NRXN3: variants seen among roughly 807,000 people sequenced by gnomAD.
The protein encoded by NRXN3 is neurexin 3, also known as neurexin III.
A neutral mutation model predicts 137.6 loss-of-function variants in NRXN3; 32 were observed. That is an observed-to-expected ratio of 0.23 (90% CI 0.18 to 0.31). The LOEUF (loss-of-function observed/expected upper bound fraction) is 0.31, where lower values mean the gene tolerates loss of function less well. Ranked by LOEUF, NRXN3 falls within the 10% of genes least tolerant of loss-of-function variation. The pLI, the probability that NRXN3 is intolerant of heterozygous loss-of-function variation, is 1.00. For synonymous variants in NRXN3, 798 were observed against 784.5 expected, an observed-to-expected ratio of 1.02 and a Z score of -0.29; for missense variants, 1,574 against 2,062.5, an observed-to-expected ratio of 0.76 and a Z score of 4.59.
rs1003314085 is a variant in NRXN3, at chr14:79,864,087, C to T, written c.*2123C>T. 1 of 152,528 alleles carries T rather than the reference C, an allele frequency of 6.6e-6. No individual in the cohort carries two copies. Among genetic ancestry groups the T allele is most frequent in the Non-Finnish European group, 1.5e-5 (1 of 68,014 alleles). 9.4% of individuals were successfully genotyped at this position (152,528 alleles called of 1,614,324 possible). ...GATAACCTAAACGGCCCAGCCTATA[C>T]GAAGTTGATTATATCTCGATGTCTG... On this transcript the variant is annotated 3_prime_UTR_variant, in exon 21 of 21. Transcript: ENST00000335750.
intron 19 of NRXN3, among the ~76,000 whole-genome samples, chr14:79,740,715 TATATATATATA>T: frequency 1.3e-4 from 1 of 7,538 alleles, no homozygotes; most frequent in Non-Finnish European, 2.6e-4. Flanking sequence ...TAGTTTTTTA[TATATATATATA>T]TATATATATA....
intron 1 of NRXN3, among the ~76,000 whole-genome samples, chr14:78,241,013 C>T (rs189849438): frequency 4.2e-4 from 64 of 152,286 alleles, no homozygotes; most frequent in East Asian, 1.7e-3. Context: ...AGAACTCAGG[C>T]GGGCCAGAGT....
At chr14:79,796,528 G>A (rs2099161429) in intron 19 of NRXN3, among the ~76,000 whole-genome samples, 1 of 150,500 alleles carries the variant, frequency 6.6e-6, no homozygotes, top group East Asian at 1.9e-4. Flanking sequence ...AAAGTGGGGG[G>A]AAAAAAAAAT....
intron 10 of NRXN3, among the ~76,000 whole-genome samples, chr14:78,894,686 G>C (rs983425587): frequency 6.6e-6 from 1 of 151,792 alleles, no homozygotes; most frequent in African/African-American, 2.4e-5. Flanking sequence ...ATATCTATCA[G>C]AGGAATCACC....
In NRXN3 at chr14:79,211,719, C is replaced by T. The variant is rs576483028; in HGVS notation, c.3262+223578C>T. ...TTAATGTTCTTTGATTACTAACATC[C>T]AGTGGCTATTCCAAGGGAATTCAAA... On this transcript the variant is annotated intron_variant, in intron 15 of 20. Coordinates refer to ENST00000335750, the MANE Select transcript of NRXN3 (RefSeq NM_001330195.2). 2.0e-5 allele frequency among the ~76,000 whole-genome samples: 3 copies of T among 152,260 alleles called. No individual in the cohort carries two copies. The South Asian group carries it at 6.2e-4, about 32-fold the overall frequency.
intron 15 of NRXN3, among the ~76,000 whole-genome samples, chr14:79,393,969 A>C (rs557779399): frequency 1.9e-3 from 289 of 152,336 alleles, no homozygotes; most frequent in Non-Finnish European, 3.4e-3. Context: ...CACTAGGTCC[A>C]GTAGGGTGGA....
chr14:79,754,322 C>G (rs908328459), intron 19 of NRXN3, among the ~76,000 whole-genome samples: 2 of 151,368 alleles, frequency 1.3e-5, no homozygotes, highest in Non-Finnish European at 2.9e-5. Context: ...CTGGCCTGGA[C>G]GACAGAGCGA....
chr14:78,869,298 G>A (rs551066316), intron 10 of NRXN3, among the ~76,000 whole-genome samples: 10 of 152,118 alleles, frequency 6.6e-5, no homozygotes, highest in South Asian at 2.1e-4. Context: ...GATCTAGGGT[G>A]AGCTCTTACT....
At chr14:78,700,818 C>T (rs2098270879) in intron 6 of NRXN3, among the ~76,000 whole-genome samples, 3 of 151,948 alleles carry the variant, frequency 2.0e-5, no homozygotes, top group Admixed American at 1.3e-4. Flanking sequence ...GATGGAGTCT[C>T]ACTCTGTCAC....
In NRXN3 at chr14:79,648,288, CTG is replaced by C. The variant is rs1182654375; in HGVS notation, c.3445-15487_3445-15486del. On this transcript the variant is annotated intron_variant, in intron 16 of 20. Transcript: ENST00000335750. ...GATGAGCAACAGAAATTAGCGGGGACTGTGGTGAATTGGAAAACCTGTGCCTT... is the reference window on the plus strand; with the variant it reads ...GATGAGCAACAGAAATTAGCGGGGACTGGTGAATTGGAAAACCTGTGCCTT... 1.8e-4 allele frequency among the ~76,000 whole-genome samples: 25 copies of C among 135,612 alleles called. 1 individual carries two copies. Among genetic ancestry groups the C allele is most frequent in the African/African-American group, 5.6e-4 (23 of 40,866 alleles). 89.0% of individuals were successfully genotyped at this position (135,612 alleles called of 152,430 possible). A position where few individuals can be genotyped will look rare whatever the true frequency, so the allele number is the denominator to read the frequency against.
At chr14:78,604,213 C>T (rs1056987205) in intron 4 of NRXN3, among the ~76,000 whole-genome samples, 1 of 152,020 alleles carries the variant, frequency 6.6e-6, no homozygotes, top group African/African-American at 2.4e-5. Flanking sequence ...GGGTTTCTCT[C>T]ACAACACTTG....
intron 19 of NRXN3, among the ~76,000 whole-genome samples, chr14:79,730,035 A>G (rs2098916014): frequency 6.6e-6 from 1 of 152,168 alleles, no homozygotes; most frequent in Non-Finnish European, 1.5e-5. Context: ...TCAGAAAGAA[A>G]GGGGGCTGCT....
chr14:78,692,668 AG>A (rs1296332805), intron 6 of NRXN3, among the ~76,000 whole-genome samples: 1 of 152,216 alleles, frequency 6.6e-6, no homozygotes, highest in African/African-American at 2.4e-5. Flanking sequence ...GCCACATAAA[AG>A]CTTTGTGAGC....
chr14:79,352,575 T>C (rs1166728058), intron 15 of NRXN3, among the ~76,000 whole-genome samples: 2 of 152,130 alleles, frequency 1.3e-5, no homozygotes, highest in Non-Finnish European at 2.9e-5. Context: ...TCCCTTTACT[T>C]GGTTATACAA....
Position 79,464,395 on chromosome 14 carries a change from TGAA to T in NRXN3, c.3263-2824_3263-2822del, listed in dbSNP as rs1237205976. Among the ~76,000 whole-genome samples, 3 of 152,094 alleles carry T rather than the reference TGAA, an allele frequency of 2.0e-5. No homozygotes were observed. The East Asian group carries it at 5.8e-4, about 29-fold the overall frequency. The stretch of plus-strand genomic sequence containing the variant: ...TCTATCCTATCAAATATTGTCATAG[TGAA>T]GTTTTGTTTTTTGTTTATTTAAAGA... On this transcript the variant is annotated intron_variant, in intron 15 of 20. Transcript: ENST00000335750.
chr14:79,691,002 TC>T (rs1477942581), intron 17 of NRXN3, among the ~76,000 whole-genome samples: 1 of 152,096 alleles, frequency 6.6e-6, no homozygotes, highest in East Asian at 1.9e-4. Flanking sequence ...GGCCTATGAA[TC>T]AAAAGTAATG....
Position 79,434,340 on chromosome 14 carries a change from T to TA in NRXN3, c.3263-32871dup, listed in dbSNP as rs200221338. 4.6e-3 allele frequency among the ~76,000 whole-genome samples: 691 copies of TA among 149,654 alleles called. 2 individuals are homozygous for TA. Among genetic ancestry groups the TA allele is most frequent in the Middle Eastern group, 0.017 (5 of 288 alleles). On this transcript the variant is annotated intron_variant, in intron 15 of 20. Coordinates refer to ENST00000335750, the MANE Select transcript of NRXN3 (RefSeq NM_001330195.2). ...ATTTGGAAAAAATGAGACCAATTCTTAAAAAAAAAATCAAGCTGAAGTCAA... is the reference window on the plus strand; with the variant it reads ...ATTTGGAAAAAATGAGACCAATTCTTAAAAAAAAAAATCAAGCTGAAGTCAA...
chr14:79,574,388 C>A (rs532861280), intron 16 of NRXN3, among the ~76,000 whole-genome samples: 12 of 152,162 alleles, frequency 7.9e-5, no homozygotes, highest in African/African-American at 2.2e-4. Flanking sequence ...TCCTGAGCTG[C>A]AGTTTTCTCA....
rs140648323 is a variant in NRXN3, at chr14:78,594,754, A to C, written c.758-50366A>C. Among the ~76,000 whole-genome samples the C allele has an allele frequency of 3.6e-4, 55 of 152,282 alleles. 1 individual carries two copies. The highest frequency in any genetic ancestry group is 1.3e-3 in the African/African-American group (54 of 41,552). On this transcript the variant is annotated intron_variant, in intron 4 of 20. Transcript: ENST00000335750. The stretch of plus-strand genomic sequence containing the variant: ...GGGCTATGCTTTCTTCTCTTTAATA[A>C]GACTCCTGTTCCAGGAGAAAACTGG...
Sources: gnomAD v4.1 joint callset for allele counts (sites outside exome capture counted in the v4.1 genomes callset) on GRCh38, gnomAD v4.1.1 for gene constraint, MANE v1.5 for transcripts, NCBI Gene and HGNC (gene_info 2026-07-23, HGNC 2026-07-21) for gene names.